MSI2: variants seen among roughly 807,000 people sequenced by gnomAD.
MSI2 encodes the protein musashi RNA binding protein 2.
A neutral mutation model predicts 45.6 loss-of-function variants in MSI2; 17 were observed. That is an observed-to-expected ratio of 0.37 (90% CI 0.26 to 0.56). MSI2 has a LOEUF of 0.56. MSI2 is among the 20% of genes least tolerant of loss of function. The pLI, the probability that MSI2 is intolerant of heterozygous loss-of-function variation, is 0.77. For synonymous variants in MSI2, 156 were observed against 158.2 expected (o/e 0.99, Z 0.11); for missense variants, 293 against 444.2 (o/e 0.66, Z 3.06).
intron 6 of MSI2, among the ~76,000 whole-genome samples, chr17:57,459,903 C>T (rs59949526): frequency 1.3e-5 from 2 of 151,818 alleles, no homozygotes; most frequent in Non-Finnish European, 1.5e-5. Context: ...CTGAGGCGGG[C>T]AGATCACCTG....
chr17:57,581,295 G>C (rs1168906261), intron 7 of MSI2, among the ~76,000 whole-genome samples: 1 of 152,126 alleles, frequency 6.6e-6, no homozygotes, highest in African/African-American at 2.4e-5. Context: ...TTACAGGTGT[G>C]AGCCACTGCA....
intron 6 of MSI2, among the ~76,000 whole-genome samples, chr17:57,503,209 TA>T (rs1402131851): frequency 1.3e-5 from 2 of 152,212 alleles, no homozygotes; most frequent in African/African-American, 4.8e-5. Context: ...AGTTTTGTTA[TA>T]TTCAGCTACC....
chr17:57,406,163 C>G lies in MSI2; in HGVS notation c.405+4692C>G, dbSNP rs79934163. 9.9e-3 allele frequency among the ~76,000 whole-genome samples: 1,506 copies of G among 152,260 alleles called. 26 individuals are homozygous for G. Among genetic ancestry groups the G allele is most frequent in the African/African-American group, 0.035 (1,433 of 41,520 alleles). On this transcript the variant is annotated intron_variant, in intron 6 of 13. Coordinates refer to ENST00000284073, the MANE Select transcript of MSI2 (RefSeq NM_138962.4). Reference sequence around the variant, plus strand: ...GTGGACGTTATCTGTGTTCCTGATTCCATACACACAGGAATGATGTATATA... The same window carrying G: ...GTGGACGTTATCTGTGTTCCTGATTGCATACACACAGGAATGATGTATATA...
chr17:57,331,626 C>T (rs1339745899), intron 5 of MSI2, among the ~76,000 whole-genome samples: 2 of 152,102 alleles, frequency 1.3e-5, no homozygotes, highest in African/African-American at 2.4e-5. Flanking sequence ...GAAGCCCCAG[C>T]GGATTCCTGA....
At chr17:57,553,416 A>T (rs1441269038) in intron 7 of MSI2, among the ~76,000 whole-genome samples, 6 of 152,212 alleles carry the variant, frequency 3.9e-5, no homozygotes, top group African/African-American at 1.4e-4. Flanking sequence ...AAGATGAAAG[A>T]GACGTTTATT....
intron 6 of MSI2, among the ~76,000 whole-genome samples, chr17:57,521,852 A>G (rs1186158453): frequency 6.6e-6 from 1 of 152,180 alleles, no homozygotes; most frequent in East Asian, 1.9e-4. Flanking sequence ...TCACTGATGT[A>G]GATTTCAGAA....
chr17:57,389,668 CT>C (rs2083752039), intron 5 of MSI2, among the ~76,000 whole-genome samples: 2 of 152,236 alleles, frequency 1.3e-5, no homozygotes, highest in Non-Finnish European at 1.5e-5. Flanking sequence ...TGGCTTGCCA[CT>C]GGAGACACTC....
At chr17:57,676,670 A>G (rs527695447) in intron 12 of MSI2, among the ~76,000 whole-genome samples, 2 of 152,208 alleles carry the variant, frequency 1.3e-5, no homozygotes, top group South Asian at 4.2e-4. Flanking sequence ...TTATCTTTGC[A>G]CTCTGGGGTT....
At chr17:57,431,350 G>A (rs12949016) in intron 6 of MSI2, among the ~76,000 whole-genome samples, 7,989 of 152,318 alleles carry the variant, frequency 0.052, 291 homozygotes, top group Middle Eastern at 0.099. Context: ...GCCCGAACTG[G>A]CAGCACAGCC....
chr17:57,343,182 C>A (rs1476717741), intron 5 of MSI2, among the ~76,000 whole-genome samples: 1 of 152,124 alleles, frequency 6.6e-6, no homozygotes, highest in Non-Finnish European at 1.5e-5. Flanking sequence ...AAGGGTTAAG[C>A]CCTCTTGACC....
intron 7 of MSI2, among the ~76,000 whole-genome samples, chr17:57,592,580 A>G (rs1904939141): frequency 6.6e-6 from 1 of 152,190 alleles, no homozygotes; most frequent in Non-Finnish European, 1.5e-5. Flanking sequence ...AACACTGCAA[A>G]TGAGTCTTGA....
At chr17:57,572,263 A>G (rs2087898593) in intron 7 of MSI2, among the ~76,000 whole-genome samples, 1 of 152,224 alleles carries the variant, frequency 6.6e-6, no homozygotes, top group Admixed American at 6.5e-5. Context: ...TCTAACTGTG[A>G]GAATTATTTT....
chr17:57,361,739 AG>A (rs1916828128), intron 5 of MSI2, among the ~76,000 whole-genome samples: 1 of 152,294 alleles, frequency 6.6e-6, no homozygotes, highest in African/African-American at 2.4e-5. Context: ...AAGGAAGAAG[AG>A]GGATGGTTTT....
chr17:57,366,945 C>G (rs765393502), intron 5 of MSI2, among the ~76,000 whole-genome samples: 10 of 152,110 alleles, frequency 6.6e-5, no homozygotes, highest in Non-Finnish European at 1.2e-4. Context: ...TGTTTGATCC[C>G]CCTCCTCTCT....
chr17:57,482,470 A>G (rs2085666301), intron 6 of MSI2, among the ~76,000 whole-genome samples: 1 of 152,200 alleles, frequency 6.6e-6, no homozygotes, highest in African/African-American at 2.4e-5. Flanking sequence ...TTGTTAAATT[A>G]TTGTACTTAC....
At chr17:57,347,949 G>C (rs1294136545) in intron 5 of MSI2, among the ~76,000 whole-genome samples, 1 of 152,264 alleles carries the variant, frequency 6.6e-6, no homozygotes, top group Non-Finnish European at 1.5e-5. Flanking sequence ...AGCAAGGTAA[G>C]TGCATTTGGT....
chr17:57,562,183 C>A (rs2087593985), intron 7 of MSI2, among the ~76,000 whole-genome samples: 1 of 152,194 alleles, frequency 6.6e-6, no homozygotes, highest in Non-Finnish European at 1.5e-5. Flanking sequence ...TCTGCCCATC[C>A]ATCCATCCTT....
chr17:57,322,738 G>T (rs1283685807), intron 5 of MSI2, among the ~76,000 whole-genome samples: 1 of 152,144 alleles, frequency 6.6e-6, no homozygotes, highest in Non-Finnish European at 1.5e-5. Context: ...CTCCTGAAAG[G>T]CTCTTGTTGA....
chr17:57,609,973 G>C (rs1381174010), intron 8 of MSI2, among the ~76,000 whole-genome samples: 1 of 152,196 alleles, frequency 6.6e-6, no homozygotes, highest in Non-Finnish European at 1.5e-5. Context: ...CTGAGCCTCA[G>C]TTTCCTGCTC....
Sources: gnomAD v4.1 joint callset for allele counts (sites outside exome capture counted in the v4.1 genomes callset) on GRCh38, gnomAD v4.1.1 for gene constraint, MANE v1.5 for transcripts, NCBI Gene and HGNC (gene_info 2026-07-23, HGNC 2026-07-21) for gene names.